The following ITGA1 variants were observed in gnomAD, a reference collection of about 807,000 sequenced individuals.
ITGA1 encodes the protein integrin alpha-1.
A neutral mutation model predicts 145.9 loss-of-function variants in ITGA1; 85 were observed. The ratio of observed to expected loss-of-function variants is 0.58; its 90% CI spans 0.49 to 0.70. The LOEUF (loss-of-function observed/expected upper bound fraction) is 0.70. Ranked by LOEUF, ITGA1 falls within the 30% of genes least tolerant of loss-of-function variation. The pLI is 0.00. For synonymous variants in ITGA1, 520 were observed against 495.3 expected (o/e 1.05, Z -0.66); for missense variants, 1,351 against 1,418.7 (o/e 0.95, Z 0.77).
At chr5:52,858,102 A>G (rs771543118) in intron 2 of ITGA1, among the ~76,000 whole-genome samples, 1 of 152,200 alleles carries the variant, frequency 6.6e-6, no homozygotes, top group Non-Finnish European at 1.5e-5. Context: ...TTAGGAATCC[A>G]TATCTTGTCA....
At chr5:52,938,295 T>A (rs1049995299) in intron 24 of ITGA1, among the ~76,000 whole-genome samples, 19 of 152,176 alleles carry the variant, frequency 1.2e-4, no homozygotes, top group African/African-American at 4.3e-4. Flanking sequence ...ATAGCAATAT[T>A]GCACCCCCTT....
At position 52,958,014 on chromosome 5, in the gene ITGA1, G is replaced by A. The variant is rs1325899274; in HGVS notation, c.*5563G>A. On this transcript the variant is annotated 3_prime_UTR_variant, in exon 29 of 29. Coordinates refer to ENST00000282588, the MANE Select transcript of ITGA1 (RefSeq NM_181501.2). ...TCTTCCAAATGACACCACAATGAAA[G>A]CCAGTTGTGGTCTTGAAAAATCTCT... 6.6e-6 allele frequency: 1 copy of A among 152,154 alleles called. No homozygotes were observed. Among genetic ancestry groups the A allele is most frequent in the Non-Finnish European group, 1.5e-5 (1 of 68,034 alleles). 9.4% of individuals were successfully genotyped at this position (152,154 alleles called of 1,614,324 possible). A position where few individuals can be genotyped will look rare whatever the true frequency, so the allele number is the denominator to read the frequency against.
At chr5:52,914,902 C>T (rs993718137) in intron 14 of ITGA1, among the ~76,000 whole-genome samples, 1 of 152,164 alleles carries the variant, frequency 6.6e-6, no homozygotes, top group African/African-American at 2.4e-5. Flanking sequence ...GCCATCTCAA[C>T]GTTGTGAATA....
At chr5:52,947,090 A>G (rs984020297) in intron 27 of ITGA1, among the ~76,000 whole-genome samples, 14 of 152,310 alleles carry the variant, frequency 9.2e-5, no homozygotes, top group African/African-American at 3.1e-4. Flanking sequence ...GAGCATTCCA[A>G]TCCATTGACA....
chr5:52,910,052 C>T (rs1344830699), intron 13 of ITGA1, 110 bp from the exon 14 acceptor site: 7 of 1,031,906 alleles, frequency 6.8e-6, no homozygotes, highest in Middle Eastern at 5.5e-4. Flanking sequence ...CCAACTTTAC[C>T]ACTAATGTAC....
chr5:52,921,910 T>C (rs1437565444), intron 17 of ITGA1, among the ~76,000 whole-genome samples: 1 of 152,206 alleles, frequency 6.6e-6, no homozygotes, highest in Non-Finnish European at 1.5e-5. Context: ...ATAATGTATA[T>C]AAAGCTCATA....
At chr5:52,903,425 A>G (rs1750347700) in intron 11 of ITGA1, 1 of 152,206 alleles carries the variant, frequency 6.6e-6, no homozygotes, top group South Asian at 2.1e-4. Flanking sequence ...ACATGTTCGA[A>G]AAAATATTTT....
intron 9 of ITGA1, among the ~76,000 whole-genome samples, chr5:52,894,074 AT>A (rs1750190944): frequency 6.6e-6 from 1 of 152,058 alleles, no homozygotes; most frequent in Non-Finnish European, 1.5e-5. Flanking sequence ...GGCAGTGCTG[AT>A]GGGACAGCCG....
chr5:52,881,317 C>T (rs561653827), intron 6 of ITGA1, among the ~76,000 whole-genome samples: 16 of 152,156 alleles, frequency 1.1e-4, no homozygotes, highest in Non-Finnish European at 2.1e-4. Flanking sequence ...ATCTCTTTCC[C>T]ATCCTGGTCT....
chr5:52,820,517 T>TATA (rs1748860415), intron 1 of ITGA1, among the ~76,000 whole-genome samples: 1 of 36,184 alleles, frequency 2.8e-5, no homozygotes, highest in Non-Finnish European at 6.0e-5. Context: ...AAACTTAAAG[T>TATA]ATAATAAAAA....
intron 1 of ITGA1, among the ~76,000 whole-genome samples, chr5:52,809,228 C>A (rs1748645571): frequency 6.6e-6 from 1 of 152,252 alleles, no homozygotes; most frequent in East Asian, 1.9e-4. Flanking sequence ...TAATAGCCCC[C>A]AGTGATCAGA....
At chr5:52,813,295 A>T (rs1200914400) in intron 1 of ITGA1, among the ~76,000 whole-genome samples, 2 of 152,190 alleles carry the variant, frequency 1.3e-5, no homozygotes, top group African/African-American at 4.8e-5. Context: ...GTTAGATGTT[A>T]GGTATTGTCT....
chr5:52,812,789 C>G (rs77329717), intron 1 of ITGA1, among the ~76,000 whole-genome samples: 2 of 86,114 alleles, frequency 2.3e-5, no homozygotes, highest in Non-Finnish European at 4.3e-5. Flanking sequence ...CTTCTTATCG[C>G]TTTTTTTTTT....
At chr5:52,801,298 T>A in intron 1 of ITGA1, 1 of 1,146,250 alleles carries the variant, frequency 8.7e-7, no homozygotes, top group African/African-American at 1.5e-5. Context: ...GGAGTAAACT[T>A]CGCTGAAACA....
chr5:52,869,017 A>T (rs1273369110), intron 6 of ITGA1, among the ~76,000 whole-genome samples: 2 of 152,168 alleles, frequency 1.3e-5, no homozygotes, highest in East Asian at 3.9e-4. Context: ...GTCTAATGCC[A>T]TGTTTCTCCA....
At chr5:52,919,369 G>A (rs1750699113) in intron 16 of ITGA1, among the ~76,000 whole-genome samples, 1 of 152,078 alleles carries the variant, frequency 6.6e-6, no homozygotes, top group Admixed American at 6.6e-5. Flanking sequence ...GTTCCATTGA[G>A]GTGACCCTAG....
rs1163330739 is a variant in ITGA1, at chr5:52,861,468, A to G, written c.204A>G (p.Leu68=). 1 of 1,612,594 alleles carries G rather than the reference A, an allele frequency of 6.2e-7. No individual in the cohort carries two copies. The highest frequency in any genetic ancestry group is 8.5e-7 in the Non-Finnish European group (1 of 1,178,648). ...EGKWVLIGSP[L]VGQPKNRTGD... is the part of the protein sequence containing the mutation. ...CCAGGGTGCTTATTGGTTCTCCGTT[A>G]GTTGGCCAACCCAAAAACAGAACTG... Residue 68 remains leucine (L), a synonymous_variant, in exon 3 of 29, where the codon TTA becomes TTG. Coordinates refer to ENST00000282588, the MANE Select transcript of ITGA1 (RefSeq NM_181501.2).
chr5:52,946,034 A>C (rs1334628610), intron 27 of ITGA1, among the ~76,000 whole-genome samples: 6 of 152,348 alleles, frequency 3.9e-5, no homozygotes. Flanking sequence ...AAATTTTATA[A>C]TGAGTTTTAT....
chr5:52,808,676 C>CTTTTTTTTTTTTTTTTT (rs60113844), intron 1 of ITGA1, among the ~76,000 whole-genome samples: 36 of 69,324 alleles, frequency 5.2e-4, no homozygotes, highest in Non-Finnish European at 5.9e-4. Flanking sequence ...TTCTTTCTTT[C>CTTTTTTTTTTTTTTTTT]TTTTTTTTTT....
Sources: gnomAD v4.1 joint callset for allele counts (sites outside exome capture counted in the v4.1 genomes callset) on GRCh38, gnomAD v4.1.1 for gene constraint, MANE v1.5 for transcripts, NCBI Gene and HGNC (gene_info 2026-07-23, HGNC 2026-07-21) for gene names.